RYR2: variants seen among roughly 807,000 people sequenced by gnomAD.
RYR2 encodes ryanodine receptor 2, also known as cardiac muscle ryanodine receptor-calcium release channel.
In RYR2, 227 loss-of-function variants were observed where a neutral mutation model predicts 601.1. The ratio of observed to expected loss-of-function variants is 0.38; its 90% CI spans 0.34 to 0.42. The LOEUF (loss-of-function observed/expected upper bound fraction) is 0.42. Among genes scored for constraint, RYR2 ranks in the 10% least tolerant of loss-of-function variants. The probability of loss-of-function intolerance (pLI) is 1.00; values close to 1 mark genes in which losing one functional copy is unlikely to be tolerated. For synonymous variants in RYR2, 2,223 were observed against 2,175.1 expected (o/e 1.02, Z -0.61); for missense variants, 4,646 against 6,156.5 (o/e 0.75, Z 8.21).
intron 1 of RYR2, among the ~76,000 whole-genome samples, chr1:237,127,226 TC>T (rs918246267): frequency 4.0e-5 from 6 of 151,352 alleles, no homozygotes; most frequent in African/African-American, 1.2e-4. Context: ...CTCAATCTTT[TC>T]CCCACCTTTC....
chr1:237,571,350 T>C (rs569209748), intron 29 of RYR2, among the ~76,000 whole-genome samples: 54 of 151,084 alleles, frequency 3.6e-4, no homozygotes, highest in African/African-American at 1.3e-3. Context: ...GTTTCACTCT[T>C]GTTGCCCAGG....
chr1:237,774,451 C>G (rs913595622), intron 87 of RYR2, among the ~76,000 whole-genome samples: 1 of 152,108 alleles, frequency 6.6e-6, no homozygotes, highest in South Asian at 2.1e-4. Flanking sequence ...GTACAGCCAA[C>G]CAAGAGTAAG....
At chr1:237,137,117 CAA>C (rs1292807850) in intron 1 of RYR2, among the ~76,000 whole-genome samples, 1 of 151,486 alleles carries the variant, frequency 6.6e-6, no homozygotes, top group African/African-American at 2.4e-5. Context: ...ATGGACTTTG[CAA>C]AAGTTTACTT....
intron 38 of RYR2, among the ~76,000 whole-genome samples, chr1:237,620,945 C>G (rs1679008951): frequency 6.6e-6 from 1 of 152,092 alleles, no homozygotes; most frequent in Non-Finnish European, 1.5e-5. Context: ...GTAGACTACT[C>G]CACCCAACGA....
At chr1:237,277,610 A>C (rs1490643402) in intron 2 of RYR2, among the ~76,000 whole-genome samples, 2 of 152,168 alleles carry the variant, frequency 1.3e-5, no homozygotes, top group Non-Finnish European at 2.9e-5. Flanking sequence ...CTACAAAACT[A>C]AAAAATTAGG....
intron 1 of RYR2, among the ~76,000 whole-genome samples, chr1:237,197,469 GTA>G (rs1680697562): frequency 2.6e-5 from 4 of 152,154 alleles, no homozygotes; most frequent in African/African-American, 4.8e-5. Flanking sequence ...ATGTAATCAT[GTA>G]ATATTCAGAT....
chr1:237,316,088 A>G (rs2543036), intron 2 of RYR2, among the ~76,000 whole-genome samples: 61,902 of 151,806 alleles, frequency 0.41, 13,270 homozygotes, highest in African/African-American at 0.53. Flanking sequence ...ATCAGGTGTG[A>G]CGATTAGGAA....
chr1:237,368,688 G>C (rs1399441430), intron 5 of RYR2, among the ~76,000 whole-genome samples: 2 of 152,146 alleles, frequency 1.3e-5, no homozygotes, highest in Non-Finnish European at 2.9e-5. Context: ...TTCATGGAAA[G>C]GGATTGATTG....
At chr1:237,408,605 G>A (rs1045378481) in intron 10 of RYR2, among the ~76,000 whole-genome samples, 11 of 151,928 alleles carry the variant, frequency 7.2e-5, no homozygotes, top group African/African-American at 2.7e-4. Flanking sequence ...CCTGAAATCA[G>A]ATAGTGTCAG....
At chr1:237,770,748 G>A (rs149186091) in intron 84 of RYR2, 59 bp from the exon 85 acceptor site, 1 of 1,109,698 alleles carries the variant, frequency 9.0e-7, no homozygotes, top group Non-Finnish European at 1.3e-6. Flanking sequence ...GGTGGGGACA[G>A]AAAGGGAGCG....
chr1:237,143,602 G>A (rs1161724728), intron 1 of RYR2, among the ~76,000 whole-genome samples: 6 of 152,006 alleles, frequency 3.9e-5, no homozygotes, highest in African/African-American at 7.2e-5. Flanking sequence ...GGAGTCTCCC[G>A]TGGCCCCCTT....
intron 1 of RYR2, among the ~76,000 whole-genome samples, chr1:237,054,410 T>C (rs987501679): frequency 6.7e-6 from 1 of 150,148 alleles, no homozygotes; most frequent in African/African-American, 2.4e-5. Context: ...ATGGCTGTCC[T>C]ATCACATTTG....
chr1:237,749,440 T>TA (rs1692358003), intron 80 of RYR2, among the ~76,000 whole-genome samples: 2 of 151,702 alleles, frequency 1.3e-5, no homozygotes, highest in African/African-American at 2.4e-5. Context: ...TTGCTATTAT[T>TA]ATTATTATTA....
chr1:237,654,186 A>G (rs1683024933), intron 51 of RYR2, 88 bp from the exon 52 acceptor site: 6 of 1,479,790 alleles, frequency 4.1e-6, no homozygotes, highest in Admixed American at 4.2e-5. Context: ...CTTATAATGT[A>G]GCATTAGAGT....
intron 10 of RYR2, among the ~76,000 whole-genome samples, chr1:237,414,286 C>T (rs1400995523): frequency 6.6e-6 from 1 of 152,038 alleles, no homozygotes; most frequent in Non-Finnish European, 1.5e-5. Flanking sequence ...TAAAGCTTTC[C>T]AGGTGATTCT....
intron 62 of RYR2, among the ~76,000 whole-genome samples, chr1:237,683,617 G>C (rs749171373): frequency 6.6e-6 from 1 of 152,190 alleles, no homozygotes; most frequent in African/African-American, 2.4e-5. Context: ...TAGGGGAAAG[G>C]TAGGTTATAT....
intron 1 of RYR2, among the ~76,000 whole-genome samples, chr1:237,102,787 G>A (rs1290003143): frequency 1.3e-5 from 2 of 152,104 alleles, no homozygotes; most frequent in Non-Finnish European, 2.9e-5. Context: ...CCTGGGAGGT[G>A]GAGGTTGCAG....
At chr1:237,104,861 G>A (rs1020300827) in intron 1 of RYR2, among the ~76,000 whole-genome samples, 12 of 152,160 alleles carry the variant, frequency 7.9e-5, no homozygotes, top group Admixed American at 4.6e-4. Context: ...GTTGACTATC[G>A]TGCAGTGGAG....
intron 84 of RYR2, among the ~76,000 whole-genome samples, chr1:237,761,981 A>G (rs1266963133): frequency 6.6e-6 from 1 of 152,124 alleles, no homozygotes; most frequent in African/African-American, 2.4e-5. Context: ...TAATTTATCT[A>G]TGTATTTTTT....
Sources: gnomAD v4.1 joint callset for allele counts (sites outside exome capture counted in the v4.1 genomes callset) on GRCh38, gnomAD v4.1.1 for gene constraint, MANE v1.5 for transcripts, NCBI Gene and HGNC (gene_info 2026-07-23, HGNC 2026-07-21) for gene names.